SCNN1G: variants seen among roughly 807,000 people sequenced by gnomAD.
SCNN1G encodes epithelial sodium channel subunit gamma.
In SCNN1G, 27 loss-of-function variants were observed where a neutral mutation model predicts 64.6. The ratio of observed to expected loss-of-function variants is 0.42; its 90% CI spans 0.31 to 0.58. SCNN1G has a LOEUF of 0.58. Ranked by LOEUF, SCNN1G falls within the 20% of genes least tolerant of loss-of-function variation. The probability of loss-of-function intolerance (pLI) is 0.18; values close to 1 mark genes in which losing one functional copy is unlikely to be tolerated. For synonymous variants in SCNN1G, 330 were observed against 314.2 expected (o/e 1.05, Z -0.53); for missense variants, 743 against 823.4 (o/e 0.90, Z 1.19).
rs5738 is a variant in SCNN1G, at chr16:23,189,642, G to A, written c.589G>A (p.Glu197Lys). ...CAAGGCTTCAAATGTCATGCACATC[G>A]AGTCCAAGCAAGTGGTGGGATTCCA... ...IHKASNVMHI[E>K]SKQVVGFQLC... Residue 197 changes from glutamate (E) to lysine (K), a missense_variant, in exon 3 of 13, where the codon GAG (glutamate) becomes AAG (lysine). Transcript: ENST00000300061. 12,544 of 1,614,198 alleles carry A rather than the reference G, an allele frequency of 7.8e-3. 72 individuals carry two copies. Among genetic ancestry groups the A allele is most frequent in the Non-Finnish European group, 9.6e-3 (11,348 of 1,180,032 alleles).
intron 6 of SCNN1G, among the ~76,000 whole-genome samples, chr16:23,199,930 C>T (rs572293106): frequency 1.4e-4 from 22 of 152,198 alleles, no homozygotes; most frequent in South Asian, 1.0e-3. Context: ...CTCAGCCTCC[C>T]GAAGTGCTGG....
intron 4 of SCNN1G, among the ~76,000 whole-genome samples, chr16:23,192,899 T>A (rs1425119308): frequency 1.3e-5 from 2 of 151,270 alleles, no homozygotes; most frequent in African/African-American, 4.9e-5. Context: ...CGAGACCCCG[T>A]CTCTACTAAA....
At chr16:23,211,030 C>A (rs909926626) in intron 7 of SCNN1G, among the ~76,000 whole-genome samples, 2 of 146,302 alleles carry the variant, frequency 1.4e-5, no homozygotes, top group Non-Finnish European at 3.0e-5. Flanking sequence ...AGAACAAGAC[C>A]CTGTCTTTAA....
At chr16:23,186,661 TGACACACTGGCAGCCTG>T in intron 2 of SCNN1G, 73 bp downstream of exon 2, 1 of 1,326,492 alleles carries the variant, frequency 7.5e-7, no homozygotes, top group East Asian at 2.3e-5. Context: ...CTCCCGAAAG[TGACACACTGGCAGCCTG>T]GAGGTCGATT....
At chr16:23,183,125 C>T (rs1567260439) in intron 1 of SCNN1G, among the ~76,000 whole-genome samples, 2 of 152,264 alleles carry the variant, frequency 1.3e-5, no homozygotes, top group East Asian at 3.8e-4. Flanking sequence ...CCTTCCCTGC[C>T]GGGGTGAGTC....
At position 23,214,746 on chromosome 16, in the gene SCNN1G, G is replaced by A; in HGVS notation, c.1528G>A (p.Asp510Asn). 1 of 1,614,146 alleles carries A rather than the reference G, an allele frequency of 6.2e-7. No homozygotes were observed. Among genetic ancestry groups the A allele is most frequent in the Non-Finnish European group, 8.5e-7 (1 of 1,180,010 alleles). Reference protein sequence around the residue: ...DLAKLLIFYKDLNQRSIMESP... With the variant: ...DLAKLLIFYKNLNQRSIMESP... The stretch of plus-strand genomic sequence containing the variant: ...GGCCAAACTCTTGATATTCTACAAA[G>A]ACCTGAACCAGAGATCCATCATGGA... The change falls in exon 12 of 13, where the codon GAC (aspartate) becomes AAC (asparagine). Residue 510 changes from aspartate to asparagine, a missense_variant. Coordinates refer to ENST00000300061, the MANE Select transcript of SCNN1G (RefSeq NM_001039.4).
chr16:23,190,793 G>T lies in SCNN1G; in HGVS notation c.618+1122G>T, dbSNP rs183733566. Reference sequence around the variant, plus strand: ...AGTACTTGCCTTCATGAGGTGCTTGGCTTGACTTCATTTTCCCTTTTGGTC... The same window carrying T: ...AGTACTTGCCTTCATGAGGTGCTTGTCTTGACTTCATTTTCCCTTTTGGTC... On this transcript the variant is annotated intron_variant, in intron 3 of 12. Transcript: ENST00000300061. Among the ~76,000 whole-genome samples, 464 of 148,912 alleles carry T rather than the reference G, an allele frequency of 3.1e-3. 4 individuals carry two copies. The highest frequency in any genetic ancestry group is 0.011 in the African/African-American group (439 of 40,486).
Position 23,214,738 on chromosome 16 carries a change from T to A in SCNN1G, c.1520T>A (p.Phe507Tyr). ...NKTDLAKLLI[F>Y]YKDLNQRSIM... The stretch of plus-strand genomic sequence containing the variant: ...ACAGACTTGGCCAAACTCTTGATAT[T>A]CTACAAAGACCTGAACCAGAGATCC... The change falls in exon 12 of 13, where the codon TTC becomes TAC. Residue 507 changes from phenylalanine (F) to tyrosine (Y), a missense_variant. Coordinates refer to ENST00000300061, the MANE Select transcript of SCNN1G (RefSeq NM_001039.4). The A allele has an allele frequency of 6.2e-7, 1 of 1,614,094 alleles. No individual in the cohort carries two copies. The highest frequency in any genetic ancestry group is 2.2e-5 in the East Asian group (1 of 44,882).
intron 6 of SCNN1G, among the ~76,000 whole-genome samples, chr16:23,206,638 G>A (rs963378358): frequency 6.6e-6 from 1 of 152,034 alleles, no homozygotes; most frequent in Non-Finnish European, 1.5e-5. Flanking sequence ...GGTGAGCTAA[G>A]GACTCCTATA....
intron 6 of SCNN1G, among the ~76,000 whole-genome samples, chr16:23,198,324 G>C (rs567959306): frequency 2.0e-3 from 298 of 152,316 alleles, no homozygotes; most frequent in African/African-American, 6.6e-3. Flanking sequence ...AGTGGACTCT[G>C]ATGGCCTTGG....
At chr16:23,197,804 CA>C (rs1480418629) in intron 6 of SCNN1G, among the ~76,000 whole-genome samples, 2 of 151,706 alleles carry the variant, frequency 1.3e-5, no homozygotes, top group Non-Finnish European at 2.9e-5. Flanking sequence ...AGCTTGAACC[CA>C]GGAGGAGGAG....
intron 6 of SCNN1G, among the ~76,000 whole-genome samples, chr16:23,200,883 C>T (rs757508876): frequency 6.6e-6 from 1 of 152,258 alleles, no homozygotes; most frequent in South Asian, 2.1e-4. Context: ...GCTTCACTGC[C>T]TCATGGTGCC....
chr16:23,197,338 A>G lies in SCNN1G; in HGVS notation c.988A>G (p.Ile330Val), dbSNP rs778529470. Residue 330 changes from isoleucine (I) to valine (V), a missense_variant, in exon 6 of 13, where the codon ATC (isoleucine) becomes GTC (valine). Physicochemically the swap from Ile to Val is conservative, Grantham distance 29. Coordinates refer to ENST00000300061, the MANE Select transcript of SCNN1G (RefSeq NM_001039.4). ...CGTGTCCTCCACTGGAGCTAAGGTG[A>G]TCATCCATCGGCAGGATGAGTATCC... The part of the protein sequence containing the change: ...FLVSSTGAKV[I>V]IHRQDEYPFV... The G allele has an allele frequency of 5.0e-6, 8 of 1,613,568 alleles. No individual in the cohort carries two copies. The Admixed American group carries it at 1.3e-4, about 27-fold the overall frequency.
Position 23,215,722 on chromosome 16 carries a change from C to A in SCNN1G, c.*253C>A. 1 of 569,726 alleles carries A rather than the reference C, an allele frequency of 1.8e-6. No homozygotes were observed. Among genetic ancestry groups the A allele is most frequent in the Non-Finnish European group, 3.1e-6 (1 of 318,636 alleles). The allele number at this position is 569,726 out of a possible 1,614,324, so 35.3% of individuals were successfully genotyped here. A position where few individuals can be genotyped will look rare whatever the true frequency, so the allele number is the denominator to read the frequency against. ...CCCGGGACCTGAACTATTAGCACGT[C>A]ACTAGAGACTGGGAGCCGAGGCAGT... On this transcript the variant is annotated 3_prime_UTR_variant, in exon 13 of 13. Transcript: ENST00000300061.
At chr16:23,189,790 G>C (rs1959676463) in intron 3 of SCNN1G, 119 bp downstream of exon 3, 7 of 1,018,294 alleles carry the variant, frequency 6.9e-6, no homozygotes, top group African/African-American at 1.6e-5. Flanking sequence ...ACCCAGCTGG[G>C]GTCAGACACA....
rs1262850183 is a variant in SCNN1G, at chr16:23,207,311, T to C, written c.1078-2439T>C. 2.0e-5 allele frequency among the ~76,000 whole-genome samples: 3 copies of C among 152,304 alleles called. No individual in the cohort carries two copies. The East Asian group carries it at 5.8e-4, about 29-fold the overall frequency. On this transcript the variant is annotated intron_variant, in intron 6 of 12. Coordinates refer to ENST00000300061, the MANE Select transcript of SCNN1G (RefSeq NM_001039.4). ...TTTCCTACCCCAGGAAGCTAGAGCCTGTAGCTGACACTCTAGACTCTGGGA... is the reference window on the plus strand; with the variant it reads ...TTTCCTACCCCAGGAAGCTAGAGCCCGTAGCTGACACTCTAGACTCTGGGA...
chr16:23,190,578 G>A (rs1479397642), intron 3 of SCNN1G, among the ~76,000 whole-genome samples: 2 of 152,080 alleles, frequency 1.3e-5, no homozygotes, highest in Admixed American at 1.3e-4. Context: ...TTCCATCTTG[G>A]GACTATCTGG....
intron 3 of SCNN1G, among the ~76,000 whole-genome samples, chr16:23,190,166 G>C (rs374710332): frequency 3.3e-5 from 5 of 152,028 alleles, no homozygotes; most frequent in African/African-American, 9.7e-5. Context: ...TGGTTGATAG[G>C]TGCGGCAAAC....
At position 23,215,834 on chromosome 16, in the gene SCNN1G, G is replaced by A; in HGVS notation, c.*365G>A. On this transcript the variant is annotated 3_prime_UTR_variant, in exon 13 of 13. Coordinates refer to ENST00000300061, the MANE Select transcript of SCNN1G (RefSeq NM_001039.4). ...GGAAGGACTCTTCCAAAGCCCCAAA[G>A]CCGAGGGTTTCACCCACACTGCCAG... 2 of 332,044 alleles carry A rather than the reference G, an allele frequency of 6.0e-6. No individual in the cohort carries two copies. Among genetic ancestry groups the A allele is most frequent in the Non-Finnish European group, 1.1e-5 (2 of 175,534 alleles). The allele number at this position is 332,044 out of a possible 1,614,324, so 20.6% of individuals were successfully genotyped here. A position where few individuals can be genotyped will look rare whatever the true frequency, so the allele number is the denominator to read the frequency against.
Sources: allele counts gnomAD v4.1 joint callset (sites outside exome capture counted in the v4.1 genomes callset), GRCh38; gene constraint gnomAD v4.1.1; transcripts MANE v1.5; gene names NCBI Gene and HGNC (gene_info 2026-07-23, HGNC 2026-07-21).